Variants in LRP1B observed in about 807,000 individuals in gnomAD.
The protein encoded by LRP1B is low-density lipoprotein receptor-related protein 1B.
A neutral mutation model predicts 556.6 loss-of-function variants in LRP1B; 217 were observed. That is an observed-to-expected ratio of 0.39 (90% CI 0.35 to 0.44). The LOEUF (loss-of-function observed/expected upper bound fraction) is 0.44. Among genes scored for constraint, LRP1B ranks in the 20% least tolerant of loss-of-function variants. The pLI, the probability that LRP1B is intolerant of heterozygous loss-of-function variation, is 1.00. For missense variants in LRP1B, 5,053 were observed against 5,620.8 expected (o/e 0.90, Z 3.23); for synonymous variants, 2,047 against 1,865.8 (o/e 1.10, Z -2.50).
At chr2:141,773,936 G>A (rs951393353) in intron 2 of LRP1B, among the ~76,000 whole-genome samples, 1 of 152,200 alleles carries the variant, frequency 6.6e-6, no homozygotes. Flanking sequence ...GCAGGTATCA[G>A]TGTTTATGTC....
rs369583435 is a variant in LRP1B, at chr2:141,810,236, C to T, written c.205+43G>A. 92 of 1,599,352 alleles carry T rather than the reference C, an allele frequency of 5.8e-5. No individual in the cohort carries two copies. In the East Asian group the frequency reaches 1.2e-3, roughly 21 times the overall value. On this transcript the variant is annotated intron_variant, in intron 2 of 90. Coordinates refer to ENST00000389484, the MANE Select transcript of LRP1B (RefSeq NM_018557.3). ...TGAAAACAACTGACATTTAGTTTCA[C>T]ATGTAAGGTAAATCCGAATGGCATG...
chr2:140,693,887 T>C (rs1159701626), intron 41 of LRP1B, among the ~76,000 whole-genome samples: 1 of 152,040 alleles, frequency 6.6e-6, no homozygotes, highest in Non-Finnish European at 1.5e-5. Flanking sequence ...TTTGTATTTT[T>C]AGTAAAGACA....
At chr2:140,834,208 C>T (rs1691818090) in intron 31 of LRP1B, among the ~76,000 whole-genome samples, 1 of 152,062 alleles carries the variant, frequency 6.6e-6, no homozygotes, top group Non-Finnish European at 1.5e-5. Flanking sequence ...TTAAACCAGA[C>T]TTTAAAATCT....
chr2:141,303,307 T>C (rs1450299533), intron 3 of LRP1B, among the ~76,000 whole-genome samples: 1 of 152,100 alleles, frequency 6.6e-6, no homozygotes, highest in African/African-American at 2.4e-5. Context: ...CTCTTCTAGT[T>C]ATTTTGAAAT....
intron 31 of LRP1B, among the ~76,000 whole-genome samples, chr2:140,818,251 G>T (rs1225297734): frequency 6.6e-6 from 1 of 152,076 alleles, no homozygotes; most frequent in Non-Finnish European, 1.5e-5. Context: ...CTCTACACAG[G>T]TATAATAAAT....
intron 86 of LRP1B, among the ~76,000 whole-genome samples, chr2:140,262,365 A>C (rs1424766238): frequency 6.6e-6 from 1 of 152,184 alleles, no homozygotes; most frequent in African/African-American, 2.4e-5. Context: ...CTGTCCCCAC[A>C]TAGCATTTCT....
chr2:141,753,041 G>A (rs1040279254), intron 2 of LRP1B, among the ~76,000 whole-genome samples: 12 of 149,304 alleles, frequency 8.0e-5, no homozygotes, highest in African/African-American at 2.7e-4. Flanking sequence ...CTGAGGTCAG[G>A]AGTTCAAGAC....
intron 35 of LRP1B, among the ~76,000 whole-genome samples, chr2:140,764,526 T>C (rs990570947): frequency 3.3e-5 from 5 of 152,174 alleles, no homozygotes; most frequent in African/African-American, 1.2e-4. Flanking sequence ...ATGAATGTCG[T>C]GGGACTAATA....
At chr2:140,886,717 TCTTAA>T (rs1159291647) in intron 23 of LRP1B, among the ~76,000 whole-genome samples, 2 of 152,060 alleles carry the variant, frequency 1.3e-5, no homozygotes, top group African/African-American at 4.8e-5. Flanking sequence ...TTTGCTACAC[TCTTAA>T]CTAACTATCC....
intron 1 of LRP1B, among the ~76,000 whole-genome samples, chr2:141,907,763 T>C (rs1461499194): frequency 1.3e-5 from 2 of 151,956 alleles, no homozygotes; most frequent in Non-Finnish European, 2.9e-5. Context: ...CAACTCACCA[T>C]TATTGTAGTG....
At chr2:141,804,659 T>C (rs1280163705) in intron 2 of LRP1B, among the ~76,000 whole-genome samples, 2 of 151,836 alleles carry the variant, frequency 1.3e-5, no homozygotes, top group Non-Finnish European at 2.9e-5. Context: ...AGATTGTGTA[T>C]CAAAAGAACC....
At position 140,233,170 on chromosome 2, in the gene LRP1B, T is replaced by C; in HGVS notation, c.*16A>G. ...ATATTTTATACATTTATACAGCATA[T>C]AAAAGATATCACTGATTATGCCACT... On this transcript the variant is annotated 3_prime_UTR_variant, in exon 91 of 91. Transcript: ENST00000389484. 1 of 1,543,444 alleles carries C rather than the reference T, an allele frequency of 6.5e-7. No homozygotes were observed. Among genetic ancestry groups the C allele is most frequent in the Non-Finnish European group, 8.9e-7 (1 of 1,123,732 alleles).
At chr2:141,373,249 T>C (rs1012675210) in intron 3 of LRP1B, among the ~76,000 whole-genome samples, 1 of 152,056 alleles carries the variant, frequency 6.6e-6, no homozygotes, top group African/African-American at 2.4e-5. Flanking sequence ...TTTTTAAAAA[T>C]TTTTTGTGGC....
chr2:140,930,994 G>A (rs559835689), intron 20 of LRP1B, among the ~76,000 whole-genome samples: 3 of 152,150 alleles, frequency 2.0e-5, no homozygotes, highest in African/African-American at 7.2e-5. Flanking sequence ...AAGGAGTTTA[G>A]CCTGCCCTCA....
intron 50 of LRP1B, among the ~76,000 whole-genome samples, chr2:140,516,472 C>G (rs1000216008): frequency 2.0e-5 from 3 of 152,018 alleles, no homozygotes; most frequent in Non-Finnish European, 4.4e-5. Context: ...TTGGTGTCCA[C>G]AGGGTGTTAG....
At position 141,062,207 on chromosome 2, in the gene LRP1B, G is replaced by T. The variant is rs1194368033; in HGVS notation, c.1080C>A (p.Asn360Lys). The change falls in exon 8 of 91, where the codon AAC (asparagine) becomes AAA (lysine). Residue 360 changes from asparagine to lysine, a missense_variant. By Grantham distance (94) the Asn-to-Lys change is moderately conservative. Around this residue, in one of 5 missense-constraint regions of LRP1B, gnomAD observed 3,619 missense variants for 3,931.9 expected, o/e 0.92. Coordinates refer to ENST00000389484, the MANE Select transcript of LRP1B (RefSeq NM_018557.3). ...KVERCDMDGMNRTRIIDSKTE... is the reference protein window; with the variant it reads ...KVERCDMDGMKRTRIIDSKTE... ...TCTTTGAATCAATTATCCTTGTTCG[G>T]TTCATCCCATCCATGTCACATCTCT... 1 of 1,611,506 alleles carries T rather than the reference G, an allele frequency of 6.2e-7. No individual in the cohort carries two copies. The highest frequency in any genetic ancestry group is 1.3e-5 in the African/African-American group (1 of 74,670).
chr2:141,509,021 G>A (rs1458579012), intron 2 of LRP1B, among the ~76,000 whole-genome samples: 1 of 152,094 alleles, frequency 6.6e-6, no homozygotes, highest in Non-Finnish European at 1.5e-5. Flanking sequence ...ATTTGCTAGG[G>A]CTATAAAGGG....
At chr2:141,404,448 G>A (rs1338785227) in intron 3 of LRP1B, among the ~76,000 whole-genome samples, 1 of 152,232 alleles carries the variant, frequency 6.6e-6, no homozygotes, top group Admixed American at 6.5e-5. Flanking sequence ...AGAGGAAAAA[G>A]AATAATAACA....
At chr2:141,521,795 T>A (rs1412229633) in intron 2 of LRP1B, among the ~76,000 whole-genome samples, 1 of 152,122 alleles carries the variant, frequency 6.6e-6, no homozygotes, top group Non-Finnish European at 1.5e-5. Context: ...GCTTTCCAAG[T>A]CTGGATTCTA....
Sources: gnomAD v4.1 joint callset for allele counts (sites outside exome capture counted in the v4.1 genomes callset) on GRCh38, gnomAD v4.1.1 for gene constraint, gnomAD v4.1.1 regional missense constraint, MANE v1.5 for transcripts, NCBI Gene and HGNC (gene_info 2026-07-23, HGNC 2026-07-21) for gene names.